Variants in BTBD7 observed in about 807,000 individuals in gnomAD.
The protein encoded by BTBD7 is BTB/POZ domain-containing protein 7.
In BTBD7, 38 loss-of-function variants were observed where a neutral mutation model predicts 99.9. The ratio of observed to expected loss-of-function variants is 0.38; its 90% CI spans 0.29 to 0.50. BTBD7 has a LOEUF of 0.50. Among genes scored for constraint, BTBD7 ranks in the 20% least tolerant of loss-of-function variants. The pLI is 0.93. For synonymous variants in BTBD7, 520 were observed against 511.4 expected (o/e 1.02, Z -0.23); for missense variants, 1,170 against 1,394.6 (o/e 0.84, Z 2.57).
At chr14:93,272,825 T>C (rs569101694) in intron 3 of BTBD7, among the ~76,000 whole-genome samples, 3 of 149,866 alleles carry the variant, frequency 2.0e-5, no homozygotes, top group Non-Finnish European at 4.5e-5. Context: ...GGATGAATGC[T>C]CCTCTCTACT....
chr14:93,295,961 GA>G lies in BTBD7; in HGVS notation c.82+8del. On this transcript the variant is annotated splice_region_variant and intron_variant, in intron 2 of 10. Transcript: ENST00000334746. ...AAAAGAAAATGAAGTTAGAAAAACT[GA>G]AAGTTACCTATAAAAGTCTGTTGGG... 1 of 1,613,424 alleles carries G rather than the reference GA, an allele frequency of 6.2e-7. No individual in the cohort carries two copies. The highest frequency in any genetic ancestry group is 8.5e-7 in the Non-Finnish European group (1 of 1,179,592).
At chr14:93,317,267 A>C (rs1053144495) in intron 1 of BTBD7, among the ~76,000 whole-genome samples, 7 of 152,112 alleles carry the variant, frequency 4.6e-5, no homozygotes, top group African/African-American at 1.7e-4. Flanking sequence ...AGCCTCCCAA[A>C]GTGCTGGGAT....
intron 1 of BTBD7, among the ~76,000 whole-genome samples, chr14:93,301,961 A>G (rs2053010029): frequency 6.6e-6 from 1 of 152,208 alleles, no homozygotes; most frequent in South Asian, 2.1e-4. Flanking sequence ...TATTAGGCAA[A>G]GCGCAGGAAT....
At chr14:93,298,745 T>TA (rs1263649678) in intron 1 of BTBD7, among the ~76,000 whole-genome samples, 3 of 151,978 alleles carry the variant, frequency 2.0e-5, no homozygotes, top group African/African-American at 7.3e-5. Context: ...AAACAAAATT[T>TA]AAAAAGCTCT....
At position 93,240,674 on chromosome 14, in the gene BTBD7, C is replaced by T. The variant is rs2052215499; in HGVS notation, c.*1599G>A. On this transcript the variant is annotated 3_prime_UTR_variant, in exon 11 of 11. Transcript: ENST00000334746. ...TGTTTGTAAAAATACAAAGTAAATG[C>T]TCAAATAATGTTGAAGTGATTTAAA... 1 of 152,506 alleles carries T rather than the reference C, an allele frequency of 6.6e-6. No homozygotes were observed. The highest frequency in any genetic ancestry group is 2.1e-4 in the South Asian group (1 of 4,828). The allele number at this position is 152,506 out of a possible 1,614,324, so 9.4% of individuals were successfully genotyped here.
At chr14:93,244,730 T>C (rs1296621762) in intron 10 of BTBD7, among the ~76,000 whole-genome samples, 1 of 152,168 alleles carries the variant, frequency 6.6e-6, no homozygotes, top group African/African-American at 2.4e-5. Flanking sequence ...AGGATCATAA[T>C]TGGACTCAAG....
chr14:93,259,482 T>G (rs1423209996), intron 5 of BTBD7, among the ~76,000 whole-genome samples: 1 of 152,202 alleles, frequency 6.6e-6, no homozygotes, highest in Non-Finnish European at 1.5e-5. Flanking sequence ...AGAACTCAGC[T>G]GGGAATGTGC....
chr14:93,284,924 A>G (rs1401217729), intron 3 of BTBD7, among the ~76,000 whole-genome samples: 1 of 152,022 alleles, frequency 6.6e-6, no homozygotes, highest in Non-Finnish European at 1.5e-5. Context: ...TTTAAAACAA[A>G]AGATGCAATA....
chr14:93,288,670 C>G (rs1020369907), intron 3 of BTBD7: 11 of 1,512,356 alleles, frequency 7.3e-6, no homozygotes, highest in African/African-American at 6.9e-5. Flanking sequence ...TGTTTGAAAG[C>G]TCTGCTGCAC....
At chr14:93,252,863 C>T (rs2052384653) in intron 7 of BTBD7, among the ~76,000 whole-genome samples, 2 of 151,488 alleles carry the variant, frequency 1.3e-5, no homozygotes, top group African/African-American at 4.9e-5. Context: ...ACTCTGTCGC[C>T]CAGGTTGGAG....
At chr14:93,268,920 G>A (rs1447442262) in intron 3 of BTBD7, among the ~76,000 whole-genome samples, 3 of 151,882 alleles carry the variant, frequency 2.0e-5, no homozygotes, top group African/African-American at 7.3e-5. Context: ...CATCATGCCC[G>A]GCTAATTTTT....
At position 93,294,609 on chromosome 14, in the gene BTBD7, C is replaced by T. The variant is rs201027841; in HGVS notation, c.411G>A (p.Glu137=). 1.3e-5 allele frequency: 21 copies of T among 1,614,068 alleles called. No individual in the cohort carries two copies. Among genetic ancestry groups the T allele is most frequent in the Non-Finnish European group, 1.8e-5 (21 of 1,180,038 alleles). The change falls in exon 3 of 11, where the codon GAG becomes GAA. Residue 137 remains glutamate (E), a synonymous_variant. Coordinates refer to ENST00000334746, the MANE Select transcript of BTBD7 (RefSeq NM_001002860.4). The part of the protein sequence containing the change: ...TLQKDMADLY[E]YKYCTDVDLI... ...AGTCTACATCAGTACAATACTTGTACTCATAAAGATCAGCCATATCTTTCT... is the reference window on the plus strand; with the variant it reads ...AGTCTACATCAGTACAATACTTGTATTCATAAAGATCAGCCATATCTTTCT...
chr14:93,309,560 T>C (rs1017112141), intron 1 of BTBD7, among the ~76,000 whole-genome samples: 1 of 151,922 alleles, frequency 6.6e-6, no homozygotes. Context: ...CCAACCTTTC[T>C]GAAGGAAGCT....
intron 3 of BTBD7, among the ~76,000 whole-genome samples, chr14:93,268,756 CTTTT>C (rs61483726): frequency 1.7e-5 from 2 of 120,904 alleles, no homozygotes; most frequent in African/African-American, 6.5e-5. Context: ...TAACTTAGAC[CTTTT>C]TTTTTTTTTT....
intron 1 of BTBD7, among the ~76,000 whole-genome samples, chr14:93,311,575 T>A (rs922142369): frequency 1.3e-5 from 2 of 152,188 alleles, no homozygotes; most frequent in African/African-American, 2.4e-5. Context: ...TTCAGGTTTA[T>A]AGGGTTTTTA....
intron 10 of BTBD7, among the ~76,000 whole-genome samples, chr14:93,245,595 A>G (rs983744585): frequency 6.6e-6 from 1 of 152,192 alleles, no homozygotes; most frequent in Non-Finnish European, 1.5e-5. Flanking sequence ...AAAGATAAGA[A>G]GATACTCAAC....
intron 1 of BTBD7, among the ~76,000 whole-genome samples, chr14:93,331,295 G>A (rs1201068031): frequency 6.6e-6 from 1 of 152,104 alleles, no homozygotes; most frequent in Non-Finnish European, 1.5e-5. Context: ...ATGGGGTAAT[G>A]GGGTGTAGAG....
intron 7 of BTBD7, among the ~76,000 whole-genome samples, chr14:93,252,384 A>G (rs759034692): frequency 1.3e-5 from 2 of 151,958 alleles, no homozygotes; most frequent in Non-Finnish European, 2.9e-5. Flanking sequence ...TGAAGAAAAA[A>G]GAAAAATGTT....
intron 3 of BTBD7, among the ~76,000 whole-genome samples, chr14:93,267,718 T>C (rs1474074321): frequency 6.6e-6 from 1 of 152,194 alleles, no homozygotes; most frequent in East Asian, 1.9e-4. Flanking sequence ...TATTATTGGG[T>C]TCTTCTCCGG....
Sources: gnomAD v4.1 joint callset for allele counts (sites outside exome capture counted in the v4.1 genomes callset) on GRCh38, gnomAD v4.1.1 for gene constraint, MANE v1.5 for transcripts, NCBI Gene and HGNC (gene_info 2026-07-23, HGNC 2026-07-21) for gene names.